SLC39A12: variants seen among roughly 807,000 people sequenced by gnomAD.
SLC39A12 encodes the protein solute carrier family 39 member 12.
Under a neutral mutation model 71.1 loss-of-function variants are expected in SLC39A12, and 63 were observed. The ratio of observed to expected loss-of-function variants is 0.89; its 90% CI spans 0.72 to 1.09. The LOEUF is 1.09. SLC39A12 is among the 50% of genes least tolerant of loss of function. The pLI, the probability that SLC39A12 is intolerant of heterozygous loss-of-function variation, is 0.00. For synonymous variants in SLC39A12, 351 were observed against 301.3 expected (o/e 1.16, Z -1.71); for missense variants, 892 against 812.6 (o/e 1.10, Z -1.19).
At chr10:17,958,755 T>C (rs1834612525) in intron 2 of SLC39A12, among the ~76,000 whole-genome samples, 1 of 152,214 alleles carries the variant, frequency 6.6e-6, no homozygotes, top group South Asian at 2.1e-4. Context: ...GCAGTATCCT[T>C]GCATACCGTA....
At chr10:18,013,093 T>A (rs1206617302) in intron 12 of SLC39A12, among the ~76,000 whole-genome samples, 2 of 151,666 alleles carry the variant, frequency 1.3e-5, no homozygotes, top group Non-Finnish European at 2.9e-5. Context: ...ACCTAAATGG[T>A]GCTTTATTAA....
chr10:17,983,856 A>G (rs1835335520), intron 6 of SLC39A12, among the ~76,000 whole-genome samples: 1 of 152,186 alleles, frequency 6.6e-6, no homozygotes, highest in Admixed American at 6.5e-5. Context: ...GTGAATAGGG[A>G]AAAGCTTTAA....
intron 12 of SLC39A12, among the ~76,000 whole-genome samples, chr10:18,027,961 GC>G (rs1036583668): frequency 2.0e-5 from 3 of 152,162 alleles, no homozygotes; most frequent in East Asian, 3.8e-4. Context: ...TAATTAGGAT[GC>G]CCCCCAAGAT....
intron 12 of SLC39A12, among the ~76,000 whole-genome samples, chr10:18,003,573 T>A (rs983426867): frequency 4.6e-5 from 7 of 152,204 alleles, no homozygotes; most frequent in African/African-American, 1.7e-4. Context: ...TTCTGTAGTG[T>A]TAAAGTGACA....
At position 17,980,422 on chromosome 10, in the gene SLC39A12, A is replaced by G. The variant is rs377589234; in HGVS notation, c.925-890A>G. On this transcript the variant is annotated intron_variant, in intron 5 of 12. Transcript: ENST00000377369. ...AAACAATACCTTACTGATCGCAACT[A>G]AAGATCACAAAGACATTGCATTGGG... 1.3e-4 allele frequency among the ~76,000 whole-genome samples: 20 copies of G among 152,314 alleles called. No homozygotes were observed. The South Asian group carries it at 2.3e-3, about 17-fold the overall frequency.
intron 3 of SLC39A12, among the ~76,000 whole-genome samples, 161 bp downstream of exon 3, chr10:17,962,023 C>T (rs782006981): frequency 3.9e-5 from 6 of 152,130 alleles, no homozygotes; most frequent in Non-Finnish European, 7.3e-5. Context: ...TTTAAAATTC[C>T]GAGTCCAAAA....
intron 2 of SLC39A12, among the ~76,000 whole-genome samples, chr10:17,953,821 G>T (rs1834469543): frequency 6.6e-6 from 1 of 152,156 alleles, no homozygotes; most frequent in Non-Finnish European, 1.5e-5. Context: ...CGAACTTTTA[G>T]TCCTCTTTTC....
chr10:18,020,494 G>T (rs908045641), intron 12 of SLC39A12, among the ~76,000 whole-genome samples: 1 of 152,048 alleles, frequency 6.6e-6, no homozygotes, highest in East Asian at 1.9e-4. Context: ...CCAGTAATGG[G>T]ATTGCTGGGT....
At chr10:17,969,714 G>A (rs563775151) in intron 4 of SLC39A12, among the ~76,000 whole-genome samples, 40 of 152,200 alleles carry the variant, frequency 2.6e-4, no homozygotes, top group Non-Finnish European at 3.7e-4. Flanking sequence ...TGAGTAGCTC[G>A]CAAATATTTT....
Position 17,978,057 on chromosome 10 carries a change from C to A in SLC39A12, c.907C>A (p.Pro303Thr). Residue 303 changes from proline (P) to threonine (T), a missense_variant, in exon 5 of 13, where the codon CCA becomes ACA. By Grantham distance (38) the Pro-to-Thr change is conservative (BLOSUM62 -1). Transcript: ENST00000377369. The stretch of plus-strand genomic sequence containing the variant: ...CATGGAAAAAGAGTCTGAGGATGGT[C>A]CAGTTTCCTGGGATCAGGTATTGCC... Reference protein sequence around the residue: ...SSMEKESEDGPVSWDQTCFSA... With the variant: ...SSMEKESEDGTVSWDQTCFSA... 1.3e-6 allele frequency: 2 copies of A among 1,598,090 alleles called. No individual in the cohort carries two copies. Among genetic ancestry groups the A allele is most frequent in the South Asian group, 2.3e-5 (2 of 87,726 alleles).
At chr10:17,969,970 A>G (rs931065027) in intron 4 of SLC39A12, among the ~76,000 whole-genome samples, 4 of 152,158 alleles carry the variant, frequency 2.6e-5, no homozygotes, top group Non-Finnish European at 5.9e-5. Context: ...TTTGTATATG[A>G]TGAGAGATGG....
chr10:17,978,960 G>A (rs1835187141), intron 5 of SLC39A12, among the ~76,000 whole-genome samples: 1 of 152,150 alleles, frequency 6.6e-6, no homozygotes. Context: ...AGAATCTACT[G>A]AATCATAAAC....
chr10:18,036,793 TA>T (rs67804162), intron 12 of SLC39A12, among the ~76,000 whole-genome samples: 158 of 72,136 alleles, frequency 2.2e-3, no homozygotes, highest in Middle Eastern at 0.013. Flanking sequence ...TATATATATA[TA>T]TTTTTTTTTT....
At chr10:18,040,311 G>GGA (rs1319216950) in intron 12 of SLC39A12, among the ~76,000 whole-genome samples, 1 of 152,148 alleles carries the variant, frequency 6.6e-6, no homozygotes, top group African/African-American at 2.4e-5. Flanking sequence ...GGTCCACCCA[G>GGA]GAGAGCAGTT....
intron 4 of SLC39A12, among the ~76,000 whole-genome samples, chr10:17,966,938 C>T (rs114890407): frequency 6.6e-6 from 1 of 151,748 alleles, no homozygotes; most frequent in South Asian, 2.1e-4. Flanking sequence ...TGCGCCACTG[C>T]ACTCCACCTT....
chr10:18,018,322 G>A (rs188088781), intron 12 of SLC39A12, among the ~76,000 whole-genome samples: 42 of 152,152 alleles, frequency 2.8e-4, no homozygotes, highest in Non-Finnish European at 5.0e-4. Context: ...CATGTCATCC[G>A]TGAACAAAGG....
At chr10:18,042,112 C>T (rs982364847) in intron 12 of SLC39A12, among the ~76,000 whole-genome samples, 1 of 151,998 alleles carries the variant, frequency 6.6e-6, no homozygotes, top group Non-Finnish European at 1.5e-5. Context: ...GCATTATTTA[C>T]TTCACATTTA....
chr10:17,990,812 G>A (rs1000788311), intron 7 of SLC39A12, among the ~76,000 whole-genome samples: 3 of 152,194 alleles, frequency 2.0e-5, no homozygotes, highest in Non-Finnish European at 2.9e-5. Flanking sequence ...TTGGACTCCT[G>A]AAAAACAATT....
chr10:18,041,629 ATG>A (rs1191144014), intron 12 of SLC39A12, among the ~76,000 whole-genome samples: 1 of 125,788 alleles, frequency 7.9e-6, no homozygotes, highest in Non-Finnish European at 1.7e-5. Flanking sequence ...ATATGTATAT[ATG>A]TGTATATATA....
Sources: gnomAD v4.1 joint callset for allele counts (sites outside exome capture counted in the v4.1 genomes callset) on GRCh38, gnomAD v4.1.1 for gene constraint, MANE v1.5 for transcripts, NCBI Gene and HGNC (gene_info 2026-07-23, HGNC 2026-07-21) for gene names.